Variants in STRN3 observed in about 807,000 individuals in gnomAD.
STRN3 encodes striatin 3, also known as striatin-3.
A neutral mutation model predicts 95.6 loss-of-function variants in STRN3; 29 were observed. The ratio of observed to expected loss-of-function variants is 0.30; its 90% confidence interval spans 0.23 to 0.41. STRN3 has a LOEUF of 0.41. Among genes scored for constraint, STRN3 ranks in the 10% least tolerant of loss-of-function variants. The pLI is 1.00. For missense variants in STRN3, 890 were observed against 972.1 expected (o/e 0.92, Z 1.12); for synonymous variants, 331 against 357.6 (o/e 0.93, Z 0.84).
intron 1 of STRN3, among the ~76,000 whole-genome samples, chr14:30,982,726 G>A (rs1035004337): frequency 6.6e-6 from 1 of 152,196 alleles, no homozygotes; most frequent in Admixed American, 6.5e-5. Flanking sequence ...TTACCCCCTT[G>A]AGGTAGGAAA....
chr14:30,927,452 T>C (rs1878238975), intron 8 of STRN3, among the ~76,000 whole-genome samples: 1 of 152,054 alleles, frequency 6.6e-6, no homozygotes, highest in Non-Finnish European at 1.5e-5. Flanking sequence ...CTCAAAAAGA[T>C]ATAGGTCTAG....
rs1880486197 is a variant in STRN3 at position 30,966,078 on chromosome 14, A to AC, written c.283-9837dup. On this transcript the variant is annotated intron_variant, in intron 1 of 17. Transcript: ENST00000357479. The stretch of plus-strand genomic sequence containing the variant: ...ATTACCTGCTACCTGCTCTGCCCTG[A>AC]CCCCCGCCAAAGCACTCACCCTGTC... Among the ~76,000 whole-genome samples the AC allele has an allele frequency of 2.7e-5, 4 of 150,408 alleles. No homozygotes were observed. In the South Asian group the frequency reaches 8.3e-4, roughly 31 times the overall value.
intron 8 of STRN3, among the ~76,000 whole-genome samples, chr14:30,927,358 C>T (rs1878233864): frequency 6.6e-6 from 1 of 151,504 alleles, no homozygotes; most frequent in African/African-American, 2.4e-5. Context: ...CTTAAACATA[C>T]TTTTTTTAAT....
chr14:30,960,232 T>C (rs1008001751), intron 1 of STRN3, among the ~76,000 whole-genome samples: 12 of 152,142 alleles, frequency 7.9e-5, no homozygotes, highest in Non-Finnish European at 1.3e-4. Flanking sequence ...CATACACCTG[T>C]AGTCCCATCT....
chr14:30,944,912 C>A (rs907948447), intron 5 of STRN3, among the ~76,000 whole-genome samples: 2 of 151,914 alleles, frequency 1.3e-5, no homozygotes, highest in African/African-American at 4.8e-5. Context: ...TGTGCCCAGT[C>A]GACCAGAATA....
rs569518721 is a variant in STRN3 at position 31,009,160 on chromosome 14, G to A, written c.282+16744C>T. 3.2e-3 allele frequency among the ~76,000 whole-genome samples: 482 copies of A among 151,752 alleles called. 2 individuals are homozygous for A. Among genetic ancestry groups the A allele is most frequent in the African/African-American group, 0.011 (445 of 41,324 alleles). ...ACTTAGTATGAGTTTCTTTTGTATCGATATATACATCCCAACAATTATTGA... is the reference window on the plus strand; with the variant it reads ...ACTTAGTATGAGTTTCTTTTGTATCAATATATACATCCCAACAATTATTGA... On this transcript the variant is annotated intron_variant, in intron 1 of 17. Coordinates refer to ENST00000357479, the MANE Select transcript of STRN3 (RefSeq NM_001083893.2).
intron 3 of STRN3, among the ~76,000 whole-genome samples, chr14:30,955,403 C>G (rs1341360213): frequency 2.6e-5 from 4 of 152,146 alleles, no homozygotes; most frequent in Admixed American, 2.6e-4. Flanking sequence ...CACTTTTACA[C>G]AGATTTCAAC....
chr14:30,933,290 A>AAAC (rs1555317722), intron 7 of STRN3, among the ~76,000 whole-genome samples: 1 of 150,128 alleles, frequency 6.7e-6, no homozygotes, highest in African/African-American at 2.4e-5. Context: ...TAAAAAAAAA[A>AAAC]AAAAAAAAAA....
At chr14:30,968,574 G>A (rs1880660517) in intron 1 of STRN3, among the ~76,000 whole-genome samples, 1 of 151,796 alleles carries the variant, frequency 6.6e-6, no homozygotes, top group Non-Finnish European at 1.5e-5. Context: ...CACCTACTCA[G>A]GAGGCTGAGG....
intron 1 of STRN3, among the ~76,000 whole-genome samples, chr14:30,973,534 T>G (rs531451352): frequency 1.3e-5 from 2 of 152,198 alleles, no homozygotes; most frequent in African/African-American, 4.8e-5. Context: ...CACTGGTGAA[T>G]TCCACCAGCA....
At position 30,936,636 on chromosome 14, in the gene STRN3, A is replaced by T; in HGVS notation, c.717-12T>A. The T allele has an allele frequency of 6.3e-7, 1 of 1,593,742 alleles. No individual in the cohort carries two copies. The highest frequency in any genetic ancestry group is 8.5e-7 in the Non-Finnish European group (1 of 1,174,320). On this transcript the variant is annotated splice_polypyrimidine_tract_variant and intron_variant, in intron 5 of 17. Coordinates refer to ENST00000357479, the MANE Select transcript of STRN3 (RefSeq NM_001083893.2). Reference sequence around the variant, plus strand: ...CATCACCAGAGGACCTGTGCGAAGGAAAAAAAGATAAATCCAACTATTCCA... The same window carrying T: ...CATCACCAGAGGACCTGTGCGAAGGTAAAAAAGATAAATCCAACTATTCCA...
intron 4 of STRN3, among the ~76,000 whole-genome samples, chr14:30,948,579 A>G (rs1443304213): frequency 6.6e-6 from 1 of 152,198 alleles, no homozygotes; most frequent in Non-Finnish European, 1.5e-5. Context: ...GTTAATGTCA[A>G]ATTTTTCCAA....
chr14:30,911,971 G>T, intron 11 of STRN3, 36 bp downstream of exon 11: 1 of 1,587,498 alleles, frequency 6.3e-7, no homozygotes. Flanking sequence ...TAGCAAAATT[G>T]GAAGAAATAC....
chr14:30,951,817 A>T (rs975664659), intron 3 of STRN3, among the ~76,000 whole-genome samples: 2 of 152,194 alleles, frequency 1.3e-5, no homozygotes, highest in Non-Finnish European at 2.9e-5. Context: ...ACATTAAAAA[A>T]AATAATAAAA....
At chr14:30,900,232 G>A (rs1002220183) in intron 16 of STRN3, among the ~76,000 whole-genome samples, 1 of 151,430 alleles carries the variant, frequency 6.6e-6, no homozygotes, top group Admixed American at 6.6e-5. Context: ...GGTAGCAGAC[G>A]CCTATAATCC....
chr14:30,987,347 A>T (rs571624539), intron 1 of STRN3, among the ~76,000 whole-genome samples: 1 of 152,180 alleles, frequency 6.6e-6, no homozygotes, highest in Non-Finnish European at 1.5e-5. Flanking sequence ...CTCTACTAAA[A>T]ATACAAAAAA....
chr14:31,012,479 T>G (rs1043441080), intron 1 of STRN3, among the ~76,000 whole-genome samples: 1 of 152,216 alleles, frequency 6.6e-6, no homozygotes, highest in Middle Eastern at 3.4e-3. Flanking sequence ...GCTCACACAT[T>G]TAAGAAAGAA....
intron 13 of STRN3, among the ~76,000 whole-genome samples, chr14:30,907,663 A>C (rs919446825): frequency 3.9e-5 from 6 of 152,144 alleles, no homozygotes; most frequent in Non-Finnish European, 7.4e-5. Flanking sequence ...GCATGGTCAC[A>C]GTCCACTGCA....
intron 5 of STRN3, among the ~76,000 whole-genome samples, chr14:30,945,509 G>A (rs1013012411): frequency 2.8e-4 from 42 of 152,140 alleles, no homozygotes; most frequent in Non-Finnish European, 3.2e-4. Flanking sequence ...GGAGGCTGAG[G>A]TGGGAGGATA....
Sources: allele counts gnomAD v4.1 joint callset (sites outside exome capture counted in the v4.1 genomes callset), GRCh38; gene constraint gnomAD v4.1.1; transcripts MANE v1.5; gene names NCBI Gene and HGNC (gene_info 2026-07-23, HGNC 2026-07-21).